The following PIWIL3 variants were observed in gnomAD, a reference collection of about 807,000 sequenced individuals.
PIWIL3 encodes the protein piwi-like protein 3.
A neutral mutation model predicts 109.7 loss-of-function variants in PIWIL3; 101 were observed. The ratio of observed to expected loss-of-function variants is 0.92; its 90% CI spans 0.78 to 1.09. PIWIL3 has a LOEUF of 1.09. Ranked by LOEUF, PIWIL3 falls within the 50% of genes least tolerant of loss-of-function variation. PIWIL3 has a pLI of 0.00. For missense variants in PIWIL3, 1,031 were observed against 1,072.6 expected, an observed-to-expected ratio of 0.96 and a Z score of 0.54; for synonymous variants, 373 against 376.4, an observed-to-expected ratio of 0.99 and a Z score of 0.10.
chr22:24,721,974 T>G (rs1489086316), intron 19 of PIWIL3, among the ~76,000 whole-genome samples: 1 of 152,264 alleles, frequency 6.6e-6, no homozygotes, highest in East Asian at 1.9e-4. Context: ...TGTAGCATAT[T>G]CAGTATTACT....
In PIWIL3 at chr22:24,749,757, T is replaced by C; in HGVS notation, c.1152A>G (p.Lys384=). The change falls in exon 10 of 21, where the codon AAA becomes AAG. Residue 384 remains lysine (K), a synonymous_variant. Transcript: ENST00000616349. ...CACGTTGTGTACCCGTTAGGCCCTTTTTCCATCTGCCCTGGCTGACCAAAA... is the reference window on the plus strand; with the variant it reads ...CACGTTGTGTACCCGTTAGGCCCTTCTTCCATCTGCCCTGGCTGACCAAAA... ...QPLLVSQGRW[K]KGLTGTQREP... The C allele has an allele frequency of 6.2e-7, 1 of 1,613,812 alleles. No homozygotes were observed. Among genetic ancestry groups the C allele is most frequent in the Non-Finnish European group, 8.5e-7 (1 of 1,179,944 alleles).
At chr22:24,727,871 C>T in intron 16 of PIWIL3, 79 bp downstream of exon 16, 1 of 1,144,266 alleles carries the variant, frequency 8.7e-7, no homozygotes. Flanking sequence ...CTTGAGTTAA[C>T]ACATATTAAT....
At position 24,748,932 on chromosome 22, in the gene PIWIL3, G is replaced by A. The variant is rs751760634; in HGVS notation, c.1424C>T (p.Ala475Val). The A allele has an allele frequency of 2.5e-6, 4 of 1,612,724 alleles. No individual in the cohort carries two copies. Among genetic ancestry groups the A allele is most frequent in the Non-Finnish European group, 3.4e-6 (4 of 1,179,202 alleles). ...CATTCTTCTGCCTTGCACGATGTTTGCGTTTTTCAAAACTCTTCCCGGGAC... is the reference window on the plus strand; with the variant it reads ...CATTCTTCTGCCTTGCACGATGTTTACGTTTTTCAAAACTCTTCCCGGGAC... ...LSVPGRVLKN[A>V]NIVQGRRMVK... The change falls in exon 12 of 21, where the codon GCA becomes GTA. Residue 475 changes from alanine (A) to valine (V), a missense_variant. Ala to Val is a moderately conservative substitution (Grantham distance 64, BLOSUM62 0). Transcript: ENST00000616349.
At chr22:24,762,121 C>A (rs1569111496) in intron 2 of PIWIL3, among the ~76,000 whole-genome samples, 1 of 152,202 alleles carries the variant, frequency 6.6e-6, no homozygotes, top group South Asian at 2.1e-4. Context: ...GAGTCATTGG[C>A]TGAAGCCAAG....
At chr22:24,752,320 T>C (rs1281313871) in intron 8 of PIWIL3, among the ~76,000 whole-genome samples, 1 of 152,212 alleles carries the variant, frequency 6.6e-6, no homozygotes, top group Non-Finnish European at 1.5e-5. Context: ...ATATCCAACA[T>C]GGAGGTTCTC....
intron 16 of PIWIL3, among the ~76,000 whole-genome samples, chr22:24,725,804 C>A (rs1284327189): frequency 2.0e-5 from 3 of 149,776 alleles, no homozygotes; most frequent in South Asian, 2.1e-4. Flanking sequence ...TGGGGGAATG[C>A]AATAAAAGGA....
Position 24,735,905 on chromosome 22 carries a change from T to C in PIWIL3, c.1450-13A>G, listed in dbSNP as rs748869589. 3.2e-6 allele frequency: 5 copies of C among 1,579,452 alleles called. No individual in the cohort carries two copies. In the African/African-American group the frequency reaches 6.8e-5, roughly 22 times the overall value. ...AATTGGCTTTAACCTGGAAAAGAAT[T>C]ATAAGACATGGCATAAAACTTTATT... is the stretch of plus-strand genomic sequence containing the variant. On this transcript the variant is annotated splice_polypyrimidine_tract_variant and intron_variant, in intron 12 of 20. Coordinates refer to ENST00000616349, the MANE Select transcript of PIWIL3 (RefSeq NM_001255975.1).
intron 19 of PIWIL3, among the ~76,000 whole-genome samples, chr22:24,722,626 TTGCTTGA>T (rs930461214): frequency 6.6e-6 from 1 of 151,964 alleles, no homozygotes; most frequent in Middle Eastern, 3.2e-3. Context: ...GGCAGGAGAA[TTGCTTGA>T]ACCTGGGAGG....
chr22:24,751,495 G>C lies in PIWIL3; in HGVS notation c.981C>G (p.Tyr327Ter). Residue 327 changes from tyrosine (Y) to a stop codon, truncating the protein, a stop_gained, in exon 9 of 21, where the codon TAC becomes TAG. Coordinates refer to ENST00000616349, the MANE Select transcript of PIWIL3 (RefSeq NM_001255975.1). LOFTEE classifies it high-confidence loss of function. ...KLIGSIVLTKYNNKTYRVDDI... is the reference protein window; with the variant it reads ...KLIGSIVLTK ...CATCTACTCTGTAGGTTTTGTTGTT[G>C]TATCTGTGGAATAATTACAATATGG... 6.2e-7 allele frequency: 1 copy of C among 1,609,230 alleles called. No homozygotes were observed. Among genetic ancestry groups the C allele is most frequent in the Non-Finnish European group, 8.5e-7 (1 of 1,178,904 alleles).
rs567654355 is a variant in PIWIL3 at position 24,723,170 on chromosome 22, G to C, written c.2317C>G (p.Pro773Ala). 6.2e-7 allele frequency: 1 copy of C among 1,613,266 alleles called. No individual in the cohort carries two copies. The highest frequency in any genetic ancestry group is 1.1e-5 in the South Asian group (1 of 91,070). The change falls in exon 19 of 21, where the codon CCA (proline) becomes GCA (alanine). Residue 773 changes from proline (P) to alanine (A), a missense_variant. Coordinates refer to ENST00000616349, the MANE Select transcript of PIWIL3 (RefSeq NM_001255975.1). ...AACTCTACATCAATAACTGTTCCTG[G>C]AGGTGGATTTTGAAAATTGCTTCCA... ...KHGSNFQNPP[P>A]GTVIDVELTR...
intron 12 of PIWIL3, among the ~76,000 whole-genome samples, chr22:24,740,419 G>A (rs931468792): frequency 9.9e-5 from 15 of 151,232 alleles, no homozygotes; most frequent in African/African-American, 3.4e-4. Context: ...ATGGTGGCAG[G>A]TGCCTGTAGT....
chr22:24,733,975 C>G, intron 14 of PIWIL3, 109 bp downstream of exon 14: 10 of 1,225,034 alleles, frequency 8.2e-6, no homozygotes, highest in Non-Finnish European at 1.1e-5. Context: ...AATCTGCTTT[C>G]GTTGGCAAGT....
Position 24,719,685 on chromosome 22 carries a change from A to G in PIWIL3, c.2505+63T>C, listed in dbSNP as rs896973291. 6 of 1,562,536 alleles carry G rather than the reference A, an allele frequency of 3.8e-6. No individual in the cohort carries two copies. In the African/African-American group the frequency reaches 6.8e-5, roughly 18 times the overall value. On this transcript the variant is annotated intron_variant, in intron 20 of 20. Transcript: ENST00000616349. ...ATAGAAGCCAGTTCAGAGGTCCAAC[A>G]TTGTTCAATGTTGAATAGTACATTT...
chr22:24,733,379 C>T (rs1445822778), intron 14 of PIWIL3, among the ~76,000 whole-genome samples: 1 of 151,842 alleles, frequency 6.6e-6, no homozygotes, highest in African/African-American at 2.4e-5. Flanking sequence ...AAGGAAAGAA[C>T]AGACTCCTAG....
chr22:24,768,080 G>C (rs564615015), intron 1 of PIWIL3, among the ~76,000 whole-genome samples: 6 of 152,264 alleles, frequency 3.9e-5, no homozygotes, highest in African/African-American at 1.2e-4. Context: ...ACTTTTCTGA[G>C]GACAAATTGC....
At chr22:24,738,512 G>A (rs1923796384) in intron 12 of PIWIL3, among the ~76,000 whole-genome samples, 1 of 152,218 alleles carries the variant, frequency 6.6e-6, no homozygotes, top group Admixed American at 6.5e-5. Context: ...AGGGATGCCT[G>A]TGTCACCCCA....
chr22:24,772,419 G>A (rs1364520537), intron 1 of PIWIL3, among the ~76,000 whole-genome samples: 1 of 152,198 alleles, frequency 6.6e-6, no homozygotes. Context: ...GTCCAGGTAT[G>A]TGCTGTGTGA....
At chr22:24,757,693 C>CACACACACACAA (rs1925167661) in intron 4 of PIWIL3, among the ~76,000 whole-genome samples, 1 of 55,042 alleles carries the variant, frequency 1.8e-5, no homozygotes, top group African/African-American at 7.1e-5. Context: ...CACACACACA[C>CACACACACACAA]ACACACATTC....
Position 24,757,615 on chromosome 22 carries a change from T to TACACACACACACACAC in PIWIL3, c.355+277_355+292dup, listed in dbSNP as rs139481317. Reference sequence around the variant, plus strand: ...AGACCGTGTCTCTACAAAATTTACATACACACACACACACACACACACATA... The same window carrying TACACACACACACACAC: ...AGACCGTGTCTCTACAAAATTTACATACACACACACACACACACACACACACACACACACACACATA... On this transcript the variant is annotated intron_variant, in intron 4 of 20. Coordinates refer to ENST00000616349, the MANE Select transcript of PIWIL3 (RefSeq NM_001255975.1). Among the ~76,000 whole-genome samples the TACACACACACACACAC allele has an allele frequency of 4.7e-3, 370 of 78,188 alleles. 3 individuals carry two copies. The highest frequency in any genetic ancestry group is 8.3e-3 in the South Asian group (17 of 2,054). 51.3% of individuals were successfully genotyped at this position (78,188 alleles called of 152,430 possible).
Sources: gnomAD v4.1 joint callset for allele counts (sites outside exome capture counted in the v4.1 genomes callset) on GRCh38, gnomAD v4.1.1 for gene constraint, MANE v1.5 for transcripts, NCBI Gene and HGNC (gene_info 2026-07-23, HGNC 2026-07-21) for gene names.